The following SPNS1 variants were observed in gnomAD, a reference collection of about 807,000 sequenced individuals.
The protein encoded by SPNS1 is protein spinster homolog 1.
A neutral mutation model predicts 50.3 loss-of-function variants in SPNS1; 22 were observed. The ratio of observed to expected loss-of-function variants is 0.44; its 90% confidence interval spans 0.31 to 0.62. The LOEUF (loss-of-function observed/expected upper bound fraction) is 0.62. SPNS1 is among the 20% of genes least tolerant of loss of function. The pLI is 0.07. For missense variants in SPNS1, 576 were observed against 728.6 expected, an observed-to-expected ratio of 0.79 and a Z score of 2.41; for synonymous variants, 295 against 317.4, an observed-to-expected ratio of 0.93 and a Z score of 0.75.
chr16:28,984,080 T>C, intron 11 of SPNS1, 123 bp downstream of exon 11: 4 of 1,436,548 alleles, frequency 2.8e-6, no homozygotes, highest in Non-Finnish European at 3.7e-6. Flanking sequence ...GCCTCCAGTC[T>C]GTCTGCATCC....
In SPNS1 at chr16:28,981,337, G is replaced by T; in HGVS notation, c.664-133G>T. On this transcript the variant is annotated intron_variant, in intron 5 of 11. Transcript: ENST00000311008. The surrounding 1 kb of genome is among the most constrained non-coding windows in gnomAD (Gnocchi z 4.2). ...CCCCCTTCCCCCAGATTGCAGGTTCGGCTTCTTGGAGCAGGCACTTAACTG... is the reference window on the plus strand; with the variant it reads ...CCCCCTTCCCCCAGATTGCAGGTTCTGCTTCTTGGAGCAGGCACTTAACTG... The T allele has an allele frequency of 2.5e-6, 3 of 1,201,908 alleles. No homozygotes were observed. The highest frequency in any genetic ancestry group is 1.5e-5 in the South Asian group (1 of 64,806). 74.5% of individuals were successfully genotyped at this position (1,201,908 alleles called of 1,614,324 possible).
chr16:28,980,928 C>T (rs995471232), intron 5 of SPNS1, among the ~76,000 whole-genome samples: 3 of 152,194 alleles, frequency 2.0e-5, no homozygotes, highest in Non-Finnish European at 4.4e-5. Context: ...TCCTGAAAGT[C>T]CCAGGTGAGC....
intron 3 of SPNS1, 35 bp downstream of exon 3, chr16:28,978,079 AC>A (rs1252936596): frequency 6.3e-7 from 1 of 1,598,034 alleles, no homozygotes. Context: ...TTCTGCCCAC[AC>A]CCCCTCCCTG....
Position 28,981,700 on chromosome 16 carries a change from C to T in SPNS1, c.809+85C>T. On this transcript the variant is annotated intron_variant, in intron 6 of 11. Transcript: ENST00000311008. This position sits in a 1 kb window ranked among gnomAD's most constrained non-coding sequence, Gnocchi z 4.2. ...TAAGTGGGGATGTTCCTGTTCCTGG[C>T]CACACCCCAAGGCCAGTAATTCGGT... is the stretch of plus-strand genomic sequence containing the variant. The T allele has an allele frequency of 6.4e-7, 1 of 1,563,318 alleles. No homozygotes were observed. The highest frequency in any genetic ancestry group is 1.2e-5 in the South Asian group (1 of 83,924).
At chr16:28,982,664 C>A in intron 8 of SPNS1, 119 bp downstream of exon 8, 1 of 1,324,394 alleles carries the variant, frequency 7.6e-7, no homozygotes, top group Non-Finnish European at 1.0e-6. Flanking sequence ...CTCTTCCCAG[C>A]TGTGTGACAT....
rs1685578080 is a variant in SPNS1 at position 28,983,464 on chromosome 16, G to A, written c.1320+174G>A. On this transcript the variant is annotated intron_variant, in intron 10 of 11. Transcript: ENST00000311008. This position sits in a 1 kb window ranked among gnomAD's most constrained non-coding sequence, Gnocchi z 5.4. The stretch of plus-strand genomic sequence containing the variant: ...TGAATATTTCTACCAGTAAGGCCAG[G>A]GACCTCACCCTGGTGGTCCAAACTC... Among the ~76,000 whole-genome samples, 1 of 152,128 alleles carries A rather than the reference G, an allele frequency of 6.6e-6. No homozygotes were observed. The highest frequency in any genetic ancestry group is 2.1e-4 in the South Asian group (1 of 4,820).
chr16:28,982,475 G>T lies in SPNS1; in HGVS notation c.1085G>T (p.Gly362Val). 6.2e-7 allele frequency: 1 copy of T among 1,613,756 alleles called. No homozygotes were observed. The highest frequency in any genetic ancestry group is 8.5e-7 in the Non-Finnish European group (1 of 1,179,926). Residue 362 changes from glycine (G) to valine (V), a missense_variant, in exon 8 of 12, where the codon GGC (glycine) becomes GTC (valine). By Grantham distance (109) the Gly-to-Val change is moderately radical. Coordinates refer to ENST00000311008, the MANE Select transcript of SPNS1 (RefSeq NM_032038.3). ...GCTGATCCCCTGGTCTGTGCCACTG[G>T]CCTCCTGGGCTCTGCACCCTTCCTC... ...PRADPLVCAT[G>V]LLGSAPFLFL...
At position 28,984,238 on chromosome 16, in the gene SPNS1, G is replaced by A. The variant is rs199561184; in HGVS notation, c.1526G>A (p.Arg509Gln). ...LLHEAGSTDDRIVVPQRGRST... is the reference protein window; with the variant it reads ...LLHEAGSTDDQIVVPQRGRST... ...CACGAAGCAGGGTCCACAGACGACC[G>A]GATTGTGGTGCCCCAGCGGGGCCGC... Residue 509 changes from arginine to glutamine, a missense_variant, in exon 12 of 12, where the codon CGG (arginine) becomes CAG (glutamine). By Grantham distance (43) the Arg-to-Gln change is conservative. Coordinates refer to ENST00000311008, the MANE Select transcript of SPNS1 (RefSeq NM_032038.3). The A allele has an allele frequency of 6.8e-6, 11 of 1,607,054 alleles. No homozygotes were observed. The highest frequency in any genetic ancestry group is 5.3e-5 in the African/African-American group (4 of 74,986).
In SPNS1 at chr16:28,981,871, T is replaced by C. The variant is rs1567525572; in HGVS notation, c.810-30T>C. On this transcript the variant is annotated intron_variant, in intron 6 of 11. Transcript: ENST00000311008. This position sits in a 1 kb window ranked among gnomAD's most constrained non-coding sequence, Gnocchi z 4.2. ...CTCCTGCCTCGACACCTCCGTGGGG[T>C]CTTACTCTCTCCCTCCCAACTATCT... The C allele has an allele frequency of 1.9e-6, 3 of 1,612,564 alleles. No homozygotes were observed. Among genetic ancestry groups the C allele is most frequent in the Non-Finnish European group, 2.5e-6 (3 of 1,179,200 alleles).
chr16:28,984,024 A>G lies in SPNS1; in HGVS notation c.1492+67A>G, dbSNP rs769309598. On this transcript the variant is annotated intron_variant, in intron 11 of 11. Coordinates refer to ENST00000311008, the MANE Select transcript of SPNS1 (RefSeq NM_032038.3). ...TGTCTGTCTGTCCATCTGTCTGCCC[A>G]CTCCTGTGCACCTGGCAGCTCAGTC... 27 of 1,498,130 alleles carry G rather than the reference A, an allele frequency of 1.8e-5. No homozygotes were observed. The African/African-American group carries it at 3.7e-4, about 20-fold the overall frequency. The allele number at this position is 1,498,130 out of a possible 1,614,324, so 92.8% of individuals were successfully genotyped here.
chr16:28,984,165 GTCCA>G, intron 11 of SPNS1, 36 bp from the exon 12 acceptor site: 2 of 1,526,120 alleles, frequency 1.3e-6, no homozygotes, highest in Non-Finnish European at 1.8e-6. Flanking sequence ...TTGTCTGTCT[GTCCA>G]TCCAGCTCAC....
At chr16:28,976,642 T>C (rs1022454612) in intron 2 of SPNS1, among the ~76,000 whole-genome samples, 1 of 152,068 alleles carries the variant, frequency 6.6e-6, no homozygotes, top group Non-Finnish European at 1.5e-5. Flanking sequence ...ACACCACCAG[T>C]TGGAGGCGGA....
At position 28,975,139 on chromosome 16, in the gene SPNS1, GC is replaced by G. The variant is rs1340076398; in HGVS notation, c.-7del. ...TGGGACCGGAGCGCGGGCGGGCGCG[GC>G]CCCCCGGGACCATGGCCGGGTCCGA... On this transcript the variant is annotated 5_prime_UTR_variant, in exon 1 of 12. Transcript: ENST00000311008. 8.8e-6 allele frequency: 13 copies of G among 1,472,036 alleles called. No individual in the cohort carries two copies. Among genetic ancestry groups the G allele is most frequent in the East Asian group, 5.0e-5 (2 of 39,794 alleles). 91.2% of individuals were successfully genotyped at this position (1,472,036 alleles called of 1,614,324 possible).
At chr16:28,976,389 C>T (rs1965345214) in intron 2 of SPNS1, among the ~76,000 whole-genome samples, 1 of 152,138 alleles carries the variant, frequency 6.6e-6, no homozygotes. Context: ...AGCCCTTTTT[C>T]TTCCTTCCAT....
At position 28,983,127 on chromosome 16, in the gene SPNS1, T is replaced by A; in HGVS notation, c.1222-65T>A. 1 of 1,389,566 alleles carries A rather than the reference T, an allele frequency of 7.2e-7. No homozygotes were observed. Among genetic ancestry groups the A allele is most frequent in the East Asian group, 2.3e-5 (1 of 43,322 alleles). 86.1% of individuals were successfully genotyped at this position (1,389,566 alleles called of 1,614,324 possible). On this transcript the variant is annotated intron_variant, in intron 9 of 11. Transcript: ENST00000311008. The surrounding 1 kb of genome is among the most constrained non-coding windows in gnomAD (Gnocchi z 5.4). The stretch of plus-strand genomic sequence containing the variant: ...CCTAGGCGGATCCTTGGTGGTCTCC[T>A]GGCCCCCTGCCTCCTGCCCCCTGGA...
rs1965675771 is a variant in SPNS1 at position 28,984,246 on chromosome 16, G to T, written c.1534G>T (p.Val512Leu). The T allele has an allele frequency of 6.8e-6, 11 of 1,609,050 alleles. No homozygotes were observed. The highest frequency in any genetic ancestry group is 9.3e-6 in the Non-Finnish European group (11 of 1,177,700). ...EAGSTDDRIVVPQRGRSTRVP... is the reference protein window; with the variant it reads ...EAGSTDDRIVLPQRGRSTRVP... ...AGGGTCCACAGACGACCGGATTGTG[G>T]TGCCCCAGCGGGGCCGCTCCACCCG... The change falls in exon 12 of 12, where the codon GTG (valine) becomes TTG (leucine). Residue 512 changes from valine (V) to leucine (L), a missense_variant. Val to Leu is a conservative substitution (Grantham distance 32). Around this residue, in one of 3 missense-constraint regions of SPNS1, gnomAD observed 428 missense variants for 520.1 expected, o/e 0.82. Coordinates refer to ENST00000311008, the MANE Select transcript of SPNS1 (RefSeq NM_032038.3).
chr16:28,983,888 G>T lies in SPNS1; in HGVS notation c.1423G>T (p.Gly475Cys), dbSNP rs764766781. 1 of 1,601,638 alleles carries T rather than the reference G, an allele frequency of 6.2e-7. No individual in the cohort carries two copies. The highest frequency in any genetic ancestry group is 1.3e-5 in the African/African-American group (1 of 75,002). The change falls in exon 11 of 12, where the codon GGC becomes TGC. Residue 475 changes from glycine (G) to cysteine (C), a missense_variant. By Grantham distance (159) the Gly-to-Cys change is radical (BLOSUM62 -3). Transcript: ENST00000311008. This position sits in a 1 kb window ranked among gnomAD's most constrained non-coding sequence, Gnocchi z 5.4. ...CTGCGCGTTTGTTGGGGCACTGGGC[G>T]GCGCAGCCTTCCTGGGCACCGCCAT... is the stretch of plus-strand genomic sequence containing the variant. ...MLCAFVGALGGAAFLGTAIFI... is the reference protein window; with the variant it reads ...MLCAFVGALGCAAFLGTAIFI...
In SPNS1 at chr16:28,975,048, T is replaced by C. The variant is rs1218525107; in HGVS notation, c.-104T>C. ...CAAGCTCCCCGTCTCCGGGCGCACT[T>C]CCCTCGCCTGTGTTCGGTCCATCCT... On this transcript the variant is annotated 5_prime_UTR_variant, in exon 1 of 12. Transcript: ENST00000311008. 7.0e-7 allele frequency: 1 copy of C among 1,433,792 alleles called. No individual in the cohort carries two copies. 88.8% of individuals were successfully genotyped at this position (1,433,792 alleles called of 1,614,324 possible). A position where few individuals can be genotyped will look rare whatever the true frequency, so the allele number is the denominator to read the frequency against.
chr16:28,983,075 C>A lies in SPNS1; in HGVS notation c.1222-117C>A. The stretch of plus-strand genomic sequence containing the variant: ...AGACCCCCGGCCTGCCCTGCGACCT[C>A]AACCCCAGGCACACCTCTGACCCCG... On this transcript the variant is annotated intron_variant, in intron 9 of 11. Coordinates refer to ENST00000311008, the MANE Select transcript of SPNS1 (RefSeq NM_032038.3). This position sits in a 1 kb window ranked among gnomAD's most constrained non-coding sequence, Gnocchi z 5.4. 1 of 1,204,390 alleles carries A rather than the reference C, an allele frequency of 8.3e-7. No homozygotes were observed. The highest frequency in any genetic ancestry group is 1.2e-6 in the Non-Finnish European group (1 of 829,268). The allele number at this position is 1,204,390 out of a possible 1,614,324, so 74.6% of individuals were successfully genotyped here. A position where few individuals can be genotyped will look rare whatever the true frequency, so the allele number is the denominator to read the frequency against.
Sources: gnomAD v4.1 joint callset for allele counts (sites outside exome capture counted in the v4.1 genomes callset) on GRCh38, gnomAD v4.1.1 for gene constraint, gnomAD v4.1.1 regional missense constraint, Gnocchi (gnomAD v3.1) non-coding constraint, MANE v1.5 for transcripts, NCBI Gene and HGNC (gene_info 2026-07-23, HGNC 2026-07-21) for gene names.